Variants in USP34 observed in about 807,000 individuals in gnomAD.
USP34 encodes ubiquitin carboxyl-terminal hydrolase 34.
USP34 carries 70 observed loss-of-function variants against 460.3 expected under a neutral mutation model. That is an observed-to-expected ratio of 0.15 (90% CI 0.13 to 0.19). USP34 has a LOEUF of 0.19. Ranked by LOEUF, USP34 falls within the 10% of genes least tolerant of loss-of-function variation. The probability of loss-of-function intolerance (pLI) is 1.00; values close to 1 mark genes in which losing one functional copy is unlikely to be tolerated. For synonymous variants in USP34, 1,647 were observed against 1,405.3 expected (o/e 1.17, Z -3.85); for missense variants, 3,985 against 4,236.2 (o/e 0.94, Z 1.65).
At chr2:61,231,363 C>G (rs543238778) in intron 58 of USP34, among the ~76,000 whole-genome samples, 1 of 151,940 alleles carries the variant, frequency 6.6e-6, no homozygotes, top group Non-Finnish European at 1.5e-5. Context: ...TGTGACTATA[C>G]TAAAAACCAC....
chr2:61,201,612 C>G (rs1008145315), intron 75 of USP34, among the ~76,000 whole-genome samples: 1 of 152,108 alleles, frequency 6.6e-6, no homozygotes, highest in Non-Finnish European at 1.5e-5. Context: ...AAGACTGAAT[C>G]ACAAAAGCTG....
At chr2:61,327,213 C>T (rs896480794) in intron 20 of USP34, among the ~76,000 whole-genome samples, 4 of 152,196 alleles carry the variant, frequency 2.6e-5, no homozygotes, top group African/African-American at 9.7e-5. Flanking sequence ...TTTCTGAAGA[C>T]TGAGTTCACT....
chr2:61,229,513 CA>C, intron 59 of USP34, 34 bp downstream of exon 59: 1 of 1,235,460 alleles, frequency 8.1e-7, no homozygotes, highest in South Asian at 1.3e-5. Context: ...ACACACAACA[CA>C]GACACACAAA....
chr2:61,331,294 C>A lies in USP34; in HGVS notation c.2912G>T (p.Gly971Val). 6.2e-7 allele frequency: 1 copy of A among 1,612,132 alleles called. No homozygotes were observed. The highest frequency in any genetic ancestry group is 1.3e-5 in the African/African-American group (1 of 74,956). ...TACTTACAGTGCATGTTTTTGTCTT[C>A]CTTCTCTCACAGTTTGAATGTAGTA... The part of the protein sequence containing the change: ...LVYYIQTVRE[G>V]RQKHALYSHS... Residue 971 changes from glycine to valine, a missense_variant, in exon 20 of 80, where the codon GGA (glycine) becomes GTA (valine). Around this residue, in one of 14 missense-constraint regions of USP34, gnomAD observed 1,114 missense variants for 1,122.5 expected, o/e 0.99. Coordinates refer to ENST00000398571, the MANE Select transcript of USP34 (RefSeq NM_014709.4).
chr2:61,452,231 T>G (rs1573057673), intron 1 of USP34, among the ~76,000 whole-genome samples: 1 of 150,280 alleles, frequency 6.7e-6, no homozygotes, highest in South Asian at 2.1e-4. Flanking sequence ...TGAGTGGGAA[T>G]GACCTTTCTA....
At chr2:61,394,754 C>A (rs1429561524) in intron 5 of USP34, 99 bp downstream of exon 5, 1 of 944,008 alleles carries the variant, frequency 1.1e-6, no homozygotes, top group South Asian at 3.9e-5. Context: ...ATTACACATG[C>A]AAATCATTCA....
intron 53 of USP34, among the ~76,000 whole-genome samples, chr2:61,237,360 A>C (rs978615523): frequency 6.6e-6 from 1 of 151,936 alleles, no homozygotes; most frequent in Non-Finnish European, 1.5e-5. Context: ...TCTGTGTCAC[A>C]ATTTTTGTCC....
Position 61,190,553 on chromosome 2 carries a change from T to C in USP34, c.9694A>G (p.Ile3232Val), listed in dbSNP as rs1322818593. 3.1e-6 allele frequency: 5 copies of C among 1,614,038 alleles called. No homozygotes were observed. Among genetic ancestry groups the C allele is most frequent in the Non-Finnish European group, 3.4e-6 (4 of 1,179,964 alleles). Residue 3232 changes from isoleucine to valine, a missense_variant, in exon 77 of 80, where the codon ATT becomes GTT. By Grantham distance (29) the Ile-to-Val change is conservative (BLOSUM62 3). Transcript: ENST00000398571. ...MDERTFLNNN[I>V]VYTFMTHFLL... is the part of the protein sequence containing the mutation. Reference sequence around the variant, plus strand: ...AAATGTGTCATGAACGTGTAGACAATGTTGTTGTTTAAAAAAGTTCTTTCA... The same window carrying C: ...AAATGTGTCATGAACGTGTAGACAACGTTGTTGTTTAAAAAAGTTCTTTCA...
At chr2:61,192,198 ATGGGGT>A (rs1193555407) in intron 76 of USP34, among the ~76,000 whole-genome samples, 1 of 152,204 alleles carries the variant, frequency 6.6e-6, no homozygotes, top group Non-Finnish European at 1.5e-5. Context: ...ATCTCTTCCA[ATGGGGT>A]AGAGCAGATG....
chr2:61,349,854 A>G (rs1281744345), intron 12 of USP34, among the ~76,000 whole-genome samples: 5 of 151,904 alleles, frequency 3.3e-5, no homozygotes, highest in African/African-American at 1.2e-4. Context: ...AAACAACAAC[A>G]ACAACAACAA....
At chr2:61,381,282 AC>A (rs11296131) in intron 6 of USP34, among the ~76,000 whole-genome samples, 2,185 of 152,104 alleles carry the variant, frequency 0.014, 46 homozygotes, top group African/African-American at 0.05. Context: ...ACACACACAC[AC>A]ACAAAACTAC....
intron 51 of USP34, among the ~76,000 whole-genome samples, chr2:61,243,771 C>T (rs1357078201): frequency 4.7e-5 from 7 of 150,370 alleles, no homozygotes; most frequent in East Asian, 2.0e-4. Context: ...TTCGGGAGGC[C>T]GAGGCAGGAG....
chr2:61,296,304 TA>T (rs1339712797), intron 30 of USP34, among the ~76,000 whole-genome samples: 2 of 152,258 alleles, frequency 1.3e-5, no homozygotes, highest in African/African-American at 4.8e-5. Flanking sequence ...TCTTTAATGT[TA>T]AAGACTTTAC....
intron 51 of USP34, among the ~76,000 whole-genome samples, chr2:61,242,454 T>TACAC (rs1359212147): frequency 1.8e-4 from 12 of 67,580 alleles, no homozygotes; most frequent in East Asian, 8.5e-4. Context: ...CCAAAGATAA[T>TACAC]ACATACACAC....
chr2:61,354,582 G>A (rs1319304693), intron 10 of USP34, among the ~76,000 whole-genome samples: 3 of 152,174 alleles, frequency 2.0e-5, no homozygotes, highest in Non-Finnish European at 2.9e-5. Flanking sequence ...CCAGCCTCCC[G>A]CTGCTCAATG....
chr2:61,332,725 C>A (rs1177800081), intron 19 of USP34, among the ~76,000 whole-genome samples: 2 of 151,954 alleles, frequency 1.3e-5, no homozygotes. Flanking sequence ...TTTCCCTTAC[C>A]CCTCCTTTTG....
chr2:61,394,200 A>C (rs902540342), intron 5 of USP34, among the ~76,000 whole-genome samples: 1 of 152,206 alleles, frequency 6.6e-6, no homozygotes, highest in African/African-American at 2.4e-5. Context: ...ATACAGAAGA[A>C]TTACCTTATT....
intron 32 of USP34, 107 bp from the exon 33 acceptor site, chr2:61,293,657 A>C (rs1364864860): frequency 2.8e-6 from 2 of 718,384 alleles, no homozygotes; most frequent in Admixed American, 2.7e-5. Flanking sequence ...TCTTTTATTT[A>C]CACTACTATT....
intron 44 of USP34, among the ~76,000 whole-genome samples, chr2:61,257,912 T>C (rs1688764312): frequency 1.3e-5 from 2 of 152,084 alleles, no homozygotes; most frequent in Admixed American, 6.6e-5. Flanking sequence ...AACACTCACA[T>C]CTATATTGCA....
Sources: gnomAD v4.1 joint callset for allele counts (sites outside exome capture counted in the v4.1 genomes callset) on GRCh38, gnomAD v4.1.1 for gene constraint, gnomAD v4.1.1 regional missense constraint, MANE v1.5 for transcripts, NCBI Gene and HGNC (gene_info 2026-07-23, HGNC 2026-07-21) for gene names.